RBPJ: variants seen among roughly 807,000 people sequenced by gnomAD.
RBPJ encodes recombining binding protein suppressor of hairless.
A neutral mutation model predicts 67.8 loss-of-function variants in RBPJ; 9 were observed. The ratio of observed to expected loss-of-function variants is 0.13; its 90% CI spans 0.08 to 0.23. RBPJ has a LOEUF of 0.23. Among genes scored for constraint, RBPJ ranks in the 10% least tolerant of loss-of-function variants. The pLI is 1.00. For synonymous variants in RBPJ, 198 were observed against 203.3 expected (o/e 0.97, Z 0.22); for missense variants, 305 against 595.6 (o/e 0.51, Z 5.08).
chr4:26,193,718 G>A (rs777706321), intron 1 of RBPJ, among the ~76,000 whole-genome samples: 5 of 152,042 alleles, frequency 3.3e-5, no homozygotes, highest in Admixed American at 2.6e-4. Flanking sequence ...AGCTTCACAC[G>A]GCAGCCAGAG....
At chr4:26,144,514 C>A in the RBPJ span, among the ~76,000 whole-genome samples, 1 of 152,088 alleles carries the variant, frequency 6.6e-6, no homozygotes, top group Non-Finnish European at 1.5e-5. Flanking sequence ...AGGGGATCCA[C>A]CCACCTCAGC....
Position 26,215,859 on chromosome 4 carries a change from C to T in RBPJ, c.-167+52245C>T, listed in dbSNP as rs755077852. On this transcript the variant is annotated intron_variant, in intron 1 of 4. Transcript: ENST00000512351. ...TCTCTGGATTGAATTTGTTCAGTGC[C>T]GGGCAGCACATTGGGGGTGAGGGGC... Among the ~76,000 whole-genome samples the T allele has an allele frequency of 7.9e-5, 12 of 151,972 alleles. No individual in the cohort carries two copies. The South Asian group carries it at 1.7e-3, about 21-fold the overall frequency.
At chr4:26,335,853 G>A (rs1560274600) in intron 1 of RBPJ, among the ~76,000 whole-genome samples, 1 of 151,360 alleles carries the variant, frequency 6.6e-6, no homozygotes, top group Non-Finnish European at 1.5e-5. Flanking sequence ...TCGAACTTCT[G>A]ACCTTGTGAT....
At chr4:26,340,076 A>C (rs940356807) in intron 1 of RBPJ, among the ~76,000 whole-genome samples, 4 of 152,226 alleles carry the variant, frequency 2.6e-5, no homozygotes, top group African/African-American at 4.8e-5. Flanking sequence ...AGTACATACT[A>C]CTTACCAGTA....
At chr4:26,362,648 CA>C (rs753832219) in intron 1 of RBPJ, 1 of 1,604,358 alleles carries the variant, frequency 6.2e-7, no homozygotes, top group Non-Finnish European at 8.5e-7. Context: ...AGAAATCTCC[CA>C]GTGACCCCAA....
chr4:26,258,886 C>T (rs1720437184), intron 1 of RBPJ, among the ~76,000 whole-genome samples: 1 of 152,064 alleles, frequency 6.6e-6, no homozygotes, highest in African/African-American at 2.4e-5. Flanking sequence ...TCACTGCAAC[C>T]TCTGCCTCCT....
chr4:26,248,962 C>T (rs1349160956), intron 1 of RBPJ, among the ~76,000 whole-genome samples: 3 of 152,188 alleles, frequency 2.0e-5, no homozygotes, highest in Admixed American at 6.5e-5. Flanking sequence ...ATCTTACAGA[C>T]TAATAGAAAG....
intron 1 of RBPJ, among the ~76,000 whole-genome samples, chr4:26,171,722 A>G (rs1055992011): frequency 1.3e-5 from 2 of 152,226 alleles, no homozygotes; most frequent in Non-Finnish European, 2.9e-5. Context: ...TTATTAGAGC[A>G]TCCAAGATTC....
At chr4:26,126,011 A>C in the RBPJ span, among the ~76,000 whole-genome samples, 1 of 152,158 alleles carries the variant, frequency 6.6e-6, no homozygotes, top group Non-Finnish European at 1.5e-5. Flanking sequence ...TAGATGTATC[A>C]CTGCCTGTGT....
intron 2 of RBPJ, among the ~76,000 whole-genome samples, chr4:26,396,518 C>T (rs1314463103): frequency 1.3e-5 from 2 of 152,196 alleles, no homozygotes; most frequent in African/African-American, 4.8e-5. Flanking sequence ...TTCTTCTAGT[C>T]CCAAATTTTT....
chr4:26,202,372 C>A (rs770979142), intron 1 of RBPJ, among the ~76,000 whole-genome samples: 9 of 151,322 alleles, frequency 5.9e-5, no homozygotes, highest in South Asian at 4.2e-4. Flanking sequence ...CAATAGGCTG[C>A]CTACTTGACA....
intron 1 of RBPJ, among the ~76,000 whole-genome samples, chr4:26,361,782 C>T (rs1032248298): frequency 2.0e-5 from 3 of 152,146 alleles, no homozygotes; most frequent in Non-Finnish European, 2.9e-5. Flanking sequence ...GATACATACA[C>T]TTCTTACTAT....
intron 1 of RBPJ, among the ~76,000 whole-genome samples, chr4:26,334,497 G>C (rs1724600691): frequency 6.6e-6 from 1 of 152,056 alleles, no homozygotes; most frequent in South Asian, 2.1e-4. Context: ...TTGTACAAAG[G>C]AGAGCATACA....
At chr4:26,222,471 G>A (rs967498055) in intron 1 of RBPJ, among the ~76,000 whole-genome samples, 16 of 147,798 alleles carry the variant, frequency 1.1e-4, no homozygotes, top group African/African-American at 3.3e-4. Flanking sequence ...CTCTAGCTTG[G>A]GCGACAGAGT....
chr4:26,431,141 G>A lies in RBPJ; in HGVS notation c.*134G>A, dbSNP rs1388211941. On this transcript the variant is annotated 3_prime_UTR_variant, in exon 11 of 11. Transcript: ENST00000355476. ...CCAGGTGATACTATTCAAAAACCCCGTTGTCTCCCTGCAAGTGCTGATTTG... is the reference window on the plus strand; with the variant it reads ...CCAGGTGATACTATTCAAAAACCCCATTGTCTCCCTGCAAGTGCTGATTTG... 2.1e-5 allele frequency: 8 copies of A among 382,626 alleles called. No homozygotes were observed. The highest frequency in any genetic ancestry group is 1.4e-4 in the South Asian group (5 of 35,392). The allele number at this position is 382,626 out of a possible 1,614,324, so 23.7% of individuals were successfully genotyped here.
chr4:26,226,317 T>A (rs1231576943), intron 1 of RBPJ, among the ~76,000 whole-genome samples: 2 of 151,232 alleles, frequency 1.3e-5, no homozygotes, highest in African/African-American at 4.9e-5. Flanking sequence ...AGAAAAAAAA[T>A]TAATTAATTA....
upstream of RBPJ, among the ~76,000 whole-genome samples, chr4:26,317,559 G>T (rs146894984): frequency 3.8e-3 from 573 of 152,284 alleles, 5 homozygotes; most frequent in African/African-American, 0.013. Context: ...TGCTCTATTA[G>T]CACAGACTGC....
At chr4:26,154,300 A>G in the RBPJ span, among the ~76,000 whole-genome samples, 3 of 152,228 alleles carry the variant, frequency 2.0e-5, no homozygotes, top group Non-Finnish European at 4.4e-5. Context: ...GTAAAACAGG[A>G]TAAATAAGAT....
At chr4:26,411,047 C>T (rs1560333741) in intron 3 of RBPJ, among the ~76,000 whole-genome samples, 1 of 152,140 alleles carries the variant, frequency 6.6e-6, no homozygotes, top group Non-Finnish European at 1.5e-5. Context: ...GTGTTTGATA[C>T]ATATTGACCA....
Sources: allele counts gnomAD v4.1 joint callset (sites outside exome capture counted in the v4.1 genomes callset), GRCh38; gene constraint gnomAD v4.1.1; transcripts MANE v1.5; gene names NCBI Gene and HGNC (gene_info 2026-07-23, HGNC 2026-07-21).